The following MCTP1 variants were observed in gnomAD, a reference collection of about 807,000 sequenced individuals.
MCTP1 encodes the protein multiple C2 and transmembrane domain-containing protein 1.
Under a neutral mutation model 120.6 loss-of-function variants are expected in MCTP1, and 69 were observed. The observed-to-expected ratio is 0.57, with a 90% CI of 0.47 to 0.70. The LOEUF (loss-of-function observed/expected upper bound fraction) is 0.70, where lower values mean the gene tolerates loss of function less well. MCTP1 is among the 30% of genes least tolerant of loss of function. MCTP1 has a pLI of 0.00. For synonymous variants in MCTP1, 529 were observed against 493.1 expected, an observed-to-expected ratio of 1.07 and a Z score of -0.96; for missense variants, 1,203 against 1,248.8, an observed-to-expected ratio of 0.96 and a Z score of 0.55.
chr5:94,859,151 T>C (rs1417212138), intron 17 of MCTP1, among the ~76,000 whole-genome samples: 1 of 151,736 alleles, frequency 6.6e-6, no homozygotes, highest in Non-Finnish European at 1.5e-5. Context: ...ACTCTGAGAA[T>C]TAAAAAATGA....
At chr5:94,863,125 T>C (rs561946033) in intron 17 of MCTP1, among the ~76,000 whole-genome samples, 18 of 151,936 alleles carry the variant, frequency 1.2e-4, no homozygotes, top group Middle Eastern at 3.4e-3. Flanking sequence ...AGAGGAAACA[T>C]ACATGAAGAA....
chr5:95,020,874 T>C (rs548389462), intron 1 of MCTP1, among the ~76,000 whole-genome samples: 1 of 152,176 alleles, frequency 6.6e-6, no homozygotes, highest in South Asian at 2.1e-4. Flanking sequence ...TAAGTTCCCA[T>C]ATACAGTTGG....
chr5:94,758,617 G>A (rs6556853), intron 19 of MCTP1, among the ~76,000 whole-genome samples: 16,030 of 152,022 alleles, frequency 0.11, 1,630 homozygotes, highest in African/African-American at 0.27. Flanking sequence ...TTTTTATGGA[G>A]GCTATACAAC....
intron 2 of MCTP1, among the ~76,000 whole-genome samples, chr5:95,008,511 A>G (rs921095250): frequency 1.3e-5 from 2 of 152,168 alleles, no homozygotes; most frequent in Non-Finnish European, 2.9e-5. Context: ...TTTGTCAGTC[A>G]TTTTGTTGAT....
At chr5:94,998,594 T>G (rs1169247077) in intron 2 of MCTP1, among the ~76,000 whole-genome samples, 2 of 152,204 alleles carry the variant, frequency 1.3e-5, no homozygotes, top group Non-Finnish European at 2.9e-5. Context: ...TTGGGGGTCT[T>G]GCCAACAGCA....
chr5:94,980,519 T>C (rs1389399649), intron 2 of MCTP1, among the ~76,000 whole-genome samples: 1 of 152,140 alleles, frequency 6.6e-6, no homozygotes, highest in Non-Finnish European at 1.5e-5. Context: ...TGAAAACATA[T>C]GTTATGTGAT....
intron 1 of MCTP1, among the ~76,000 whole-genome samples, chr5:95,028,782 G>A (rs1171816516): frequency 6.6e-6 from 1 of 152,126 alleles, no homozygotes; most frequent in Admixed American, 6.6e-5. Flanking sequence ...TTTAACTTCA[G>A]CCAAAAATAC....
At chr5:94,717,475 CCT>C (rs1485023468) in intron 19 of MCTP1, among the ~76,000 whole-genome samples, 1 of 152,072 alleles carries the variant, frequency 6.6e-6, no homozygotes, top group Non-Finnish European at 1.5e-5. Context: ...ACAAGGATGC[CCT>C]CTCTCATCAC....
In MCTP1 at chr5:95,284,230, CGGCTCTGCCGGCGCCGCCGGGCTCCAGG is replaced by C; in HGVS notation, c.318_345del (p.Leu107SerfsTer18). The C allele has an allele frequency of 6.3e-7, 1 of 1,582,196 alleles. No homozygotes were observed. Among genetic ancestry groups the C allele is most frequent in the Non-Finnish European group, 8.5e-7 (1 of 1,171,148 alleles). On this transcript the variant is annotated frameshift_variant, in exon 1 of 23. Transcript: ENST00000515393. LOFTEE classifies it high-confidence loss of function. The surrounding 1 kb of genome is among the most constrained non-coding windows in gnomAD (Gnocchi z 5.2). ...CGGCGGCGTAGCGTGGACCCCTGCT[CGGCTCTGCCGGCGCCGCCGGGCTCCAGG>C]GGCTCCGGCGACGAGCAGCACAGGT...
intron 1 of MCTP1, among the ~76,000 whole-genome samples, chr5:95,059,512 T>C (rs1161532544): frequency 6.6e-6 from 1 of 151,862 alleles, no homozygotes; most frequent in Non-Finnish European, 1.5e-5. Context: ...ATCTCAGCAT[T>C]ATGCAATATA....
chr5:95,228,179 C>T (rs1562257940), intron 1 of MCTP1, among the ~76,000 whole-genome samples: 1 of 151,992 alleles, frequency 6.6e-6, no homozygotes, highest in Non-Finnish European at 1.5e-5. Context: ...AGAGAAGATG[C>T]CCTTAGTTGA....
chr5:95,010,897 G>A (rs1190068412), intron 2 of MCTP1, among the ~76,000 whole-genome samples: 1 of 152,172 alleles, frequency 6.6e-6, no homozygotes, highest in Non-Finnish European at 1.5e-5. Flanking sequence ...TGTCCAAAAG[G>A]TAGGGGCTAC....
intron 19 of MCTP1, among the ~76,000 whole-genome samples, chr5:94,747,697 G>A (rs1198219132): frequency 6.6e-6 from 1 of 152,010 alleles, no homozygotes; most frequent in Non-Finnish European, 1.5e-5. Flanking sequence ...TGCAACAGAG[G>A]CGGATCTAGA....
At chr5:95,251,327 T>G (rs1303243234) in intron 1 of MCTP1, among the ~76,000 whole-genome samples, 1 of 152,096 alleles carries the variant, frequency 6.6e-6, no homozygotes, top group Non-Finnish European at 1.5e-5. Context: ...AATGTCAGTA[T>G]GCCTACTTCT....
intron 8 of MCTP1, among the ~76,000 whole-genome samples, chr5:94,916,527 A>G (rs555046663): frequency 6.6e-6 from 1 of 152,306 alleles, no homozygotes; most frequent in African/African-American, 2.4e-5. Flanking sequence ...GTCATTTATT[A>G]CTTTTACTTA....
chr5:94,912,035 A>C (rs932961658), intron 9 of MCTP1, among the ~76,000 whole-genome samples: 2 of 152,202 alleles, frequency 1.3e-5, no homozygotes, highest in Non-Finnish European at 2.9e-5. Flanking sequence ...TGTTCTAATA[A>C]ATTTTAAAAT....
intron 17 of MCTP1, among the ~76,000 whole-genome samples, chr5:94,859,430 A>T (rs1322280012): frequency 1.3e-5 from 2 of 151,756 alleles, no homozygotes; most frequent in African/African-American, 2.4e-5. Context: ...GTATATTTTC[A>T]AATAGGTAGA....
chr5:94,827,899 T>C (rs150783649), intron 17 of MCTP1, among the ~76,000 whole-genome samples: 2,631 of 152,134 alleles, frequency 0.017, 82 homozygotes, highest in African/African-American at 0.061. Flanking sequence ...CCTCCTTGCA[T>C]TGGGTTAGAA....
chr5:95,109,625 T>G (rs1427807980), intron 1 of MCTP1, among the ~76,000 whole-genome samples: 2 of 152,146 alleles, frequency 1.3e-5, no homozygotes, highest in Admixed American at 6.6e-5. Flanking sequence ...TGAAGAATGA[T>G]GAGGACTTGC....
Sources: allele counts gnomAD v4.1 joint callset (sites outside exome capture counted in the v4.1 genomes callset), GRCh38; gene constraint gnomAD v4.1.1; non-coding constraint Gnocchi (gnomAD v3.1); transcripts MANE v1.5; gene names NCBI Gene and HGNC (gene_info 2026-07-23, HGNC 2026-07-21).